Variants in HSP90AB1 observed in about 807,000 individuals in gnomAD.
HSP90AB1 encodes heat shock protein 90 alpha family class B member 1.
A neutral mutation model predicts 67.8 loss-of-function variants in HSP90AB1; 17 were observed. The ratio of observed to expected loss-of-function variants is 0.25; its 90% CI spans 0.17 to 0.38. The LOEUF (loss-of-function observed/expected upper bound fraction) is 0.38. Ranked by LOEUF, HSP90AB1 falls within the 10% of genes least tolerant of loss-of-function variation. HSP90AB1 has a pLI of 1.00. For missense variants in HSP90AB1, 690 were observed against 899.9 expected, an observed-to-expected ratio of 0.77 and a Z score of 2.98; for synonymous variants, 390 against 312.9, an observed-to-expected ratio of 1.25 and a Z score of -2.60.
intron 1 of HSP90AB1, 117 bp from the exon 2 acceptor site, chr6:44,248,513 C>G: frequency 1.2e-6 from 1 of 859,726 alleles, no homozygotes; most frequent in African/African-American, 1.7e-5. Context: ...AGGGATAGTA[C>G]TCCGGTTAAA....
In HSP90AB1 at chr6:44,248,666, G is replaced by A. The variant is rs761667391; in HGVS notation, c.37G>A (p.Glu13Lys). ...AGTGCACCATGGAGAGGAGGAGGTG[G>A]AGACTTTTGCCTTTCAGGCAGAAAT... ...EEVHHGEEEV[E>K]TFAFQAEIAQ... Residue 13 changes from glutamate to lysine, a missense_variant, in exon 2 of 12, where the codon GAG becomes AAG. By Grantham distance (56) the Glu-to-Lys change is moderately conservative (BLOSUM62 1). Around this residue, in one of 7 missense-constraint regions of HSP90AB1, gnomAD observed 25 missense variants for 18.0 expected, o/e 1.39. Transcript: ENST00000371646. 3.2e-5 allele frequency: 52 copies of A among 1,613,872 alleles called. No individual in the cohort carries two copies. Among genetic ancestry groups the A allele is most frequent in the Non-Finnish European group, 1.4e-5 (17 of 1,179,926 alleles).
chr6:44,251,729 C>T lies in HSP90AB1; in HGVS notation c.1315-8C>T, dbSNP rs1780664858. 2 of 1,611,760 alleles carry T rather than the reference C, an allele frequency of 1.2e-6. No individual in the cohort carries two copies. Among genetic ancestry groups the T allele is most frequent in the African/African-American group, 1.3e-5 (1 of 74,852 alleles). On this transcript the variant is annotated splice_polypyrimidine_tract_variant and splice_region_variant and intron_variant, in intron 8 of 11. Coordinates refer to ENST00000371646, the MANE Select transcript of HSP90AB1 (RefSeq NM_007355.4). ...GCTGGATTGTTTTTCCTCTTCCCACCCTTCAAGCTTGGAATCCACGAAGAC... is the reference window on the plus strand; with the variant it reads ...GCTGGATTGTTTTTCCTCTTCCCACTCTTCAAGCTTGGAATCCACGAAGAC...
chr6:44,253,547 C>A lies in HSP90AB1; in HGVS notation c.2124C>A (p.Ile708=), dbSNP rs763136674. ...CCAATGCTGCAGTTCCTGATGAGAT[C>A]CCCCCTCTCGAGGGCGATGAGGATG... ...EEPNAAVPDE[I]PPLEGDEDAS... Residue 708 remains isoleucine, a synonymous_variant, in exon 12 of 12, where the codon ATC becomes ATA. Transcript: ENST00000371646. The A allele has an allele frequency of 6.2e-7, 1 of 1,613,882 alleles. No individual in the cohort carries two copies. The highest frequency in any genetic ancestry group is 8.5e-7 in the Non-Finnish European group (1 of 1,179,780).
At position 44,249,477 on chromosome 6, in the gene HSP90AB1, C is replaced by G. The variant is rs1471689774; in HGVS notation, c.248C>G (p.Thr83Ser). The change falls in exon 3 of 12, where the codon ACC becomes AGC. Residue 83 changes from threonine to serine, a missense_variant. By Grantham distance (58) the Thr-to-Ser change is moderately conservative. Transcript: ENST00000371646. ...ATCATCCCCAACCCTCAGGAACGTACCCTGACTTTGGTAGACACAGGCATT... is the reference window on the plus strand; with the variant it reads ...ATCATCCCCAACCCTCAGGAACGTAGCCTGACTTTGGTAGACACAGGCATT... Reference protein sequence around the residue: ...IDIIPNPQERTLTLVDTGIGM... With the variant: ...IDIIPNPQERSLTLVDTGIGM... The G allele has an allele frequency of 6.2e-7, 1 of 1,613,802 alleles. No individual in the cohort carries two copies. The highest frequency in any genetic ancestry group is 1.3e-5 in the African/African-American group (1 of 74,926).
At position 44,248,609 on chromosome 6, in the gene HSP90AB1, TTAA is replaced by T. The variant is rs1335667971; in HGVS notation, c.1-19_1-17del. 3.8e-6 allele frequency: 6 copies of T among 1,596,958 alleles called. No individual in the cohort carries two copies. The highest frequency in any genetic ancestry group is 2.7e-5 in the African/African-American group (2 of 73,514). On this transcript the variant is annotated intron_variant, in intron 1 of 11. Coordinates refer to ENST00000371646, the MANE Select transcript of HSP90AB1 (RefSeq NM_007355.4). ...ATGGGGCCTTAGTGTTCTTTTGTAATTAATGAGATTTTTATTTTAGATGCCTGA... is the reference window on the plus strand; with the variant it reads ...ATGGGGCCTTAGTGTTCTTTTGTAATTGAGATTTTTATTTTAGATGCCTGA...
Position 44,253,070 on chromosome 6 carries a change from C to T in HSP90AB1, c.1757C>T (p.Ser586Phe). Reference sequence around the variant, plus strand: ...GTGACAATCTCCAATAGACTTGTGTCTTCACCTTGCTGCATTGTGACCAGC... The same window carrying T: ...GTGACAATCTCCAATAGACTTGTGTTTTCACCTTGCTGCATTGTGACCAGC... ...EKVTISNRLV[S>F]SPCCIVTSTY... The change falls in exon 11 of 12, where the codon TCT becomes TTT. Residue 586 changes from serine to phenylalanine, a missense_variant. Ser to Phe is a radical substitution (Grantham distance 155). Transcript: ENST00000371646. The T allele has an allele frequency of 1.2e-6, 2 of 1,613,984 alleles. No individual in the cohort carries two copies. The highest frequency in any genetic ancestry group is 1.7e-6 in the Non-Finnish European group (2 of 1,179,868).
intron 4 of HSP90AB1, 51 bp from the exon 5 acceptor site, chr6:44,249,970 C>T (rs371618810): frequency 3.7e-6 from 6 of 1,607,966 alleles, no homozygotes; most frequent in African/African-American, 1.3e-5. Flanking sequence ...TTGCTGGTCT[C>T]AACTGCATAT....
intron 10 of HSP90AB1, 148 bp from the exon 11 acceptor site, chr6:44,252,897 G>T: frequency 5.1e-6 from 3 of 584,842 alleles, no homozygotes; most frequent in Non-Finnish European, 9.0e-6. Context: ...TTAATTTTTT[G>T]TAGACAGGGT....
rs1780583803 is a variant in HSP90AB1, at chr6:44,251,037, G to C, written c.958-11G>C. The C allele has an allele frequency of 1.2e-6, 2 of 1,612,804 alleles. 1 individual carries two copies. On this transcript the variant is annotated splice_polypyrimidine_tract_variant and intron_variant, in intron 6 of 11. Coordinates refer to ENST00000371646, the MANE Select transcript of HSP90AB1 (RefSeq NM_007355.4). ...TTTTGAAATGTACCACTTATTTTTG[G>C]TTTCTTTCAGCACTTTTCTGTAGAA...
In HSP90AB1 at chr6:44,250,286, C is replaced by T; in HGVS notation, c.649-5C>T. The T allele has an allele frequency of 6.2e-7, 1 of 1,612,088 alleles. No individual in the cohort carries two copies. The highest frequency in any genetic ancestry group is 8.5e-7 in the Non-Finnish European group (1 of 1,179,104). Reference sequence around the variant, plus strand: ...CCAAGGCTAACTTCTGTTTTTGTTACTTAGTTGGAGAAGGAACGAGAGAAG... The same window carrying T: ...CCAAGGCTAACTTCTGTTTTTGTTATTTAGTTGGAGAAGGAACGAGAGAAG... On this transcript the variant is annotated splice_region_variant and splice_polypyrimidine_tract_variant and intron_variant, in intron 5 of 11. Coordinates refer to ENST00000371646, the MANE Select transcript of HSP90AB1 (RefSeq NM_007355.4).
At chr6:44,248,525 C>G (rs1780250158) in intron 1 of HSP90AB1, 105 bp from the exon 2 acceptor site, 2 of 1,012,468 alleles carry the variant, frequency 2.0e-6, no homozygotes, top group Admixed American at 2.5e-5. Context: ...CCGGTTAAAC[C>G]AGTCTGAACT....
chr6:44,251,224 C>G lies in HSP90AB1; in HGVS notation c.1123+11C>G, dbSNP rs767451923. On this transcript the variant is annotated intron_variant, in intron 7 of 11. Transcript: ENST00000371646. ...TACCAGAGTATCTCAGTGAGTATCT[C>G]CTTGGCCTAATTTAGTTGGGTGAAG... 2 of 1,613,570 alleles carry G rather than the reference C, an allele frequency of 1.2e-6. No individual in the cohort carries two copies. Among genetic ancestry groups the G allele is most frequent in the Admixed American group, 3.3e-5 (2 of 60,002 alleles).
chr6:44,250,400 T>C lies in HSP90AB1; in HGVS notation c.758T>C (p.Val253Ala). Residue 253 changes from valine to alanine, a missense_variant, in exon 6 of 12, where the codon GTG (valine) becomes GCG (alanine). Val to Ala is a moderately conservative substitution (Grantham distance 64). Transcript: ENST00000371646. ...DDEEKPKIED[V>A]GSDEEDDSGK... ...GAAGAAAAACCCAAGATCGAAGATG[T>C]GGGTTCAGATGAGGAGGATGACAGC... 1 of 1,613,638 alleles carries C rather than the reference T, an allele frequency of 6.2e-7. No homozygotes were observed.
chr6:44,252,086 T>G lies in HSP90AB1; in HGVS notation c.1550T>G (p.Ile517Ser). The change falls in exon 10 of 12, where the codon ATT becomes AGT. Residue 517 changes from isoleucine (I) to serine (S), a missense_variant. Transcript: ENST00000371646. ...GAGGTGGTATATATGACCGAGCCCA[T>G]TGACGAGTACTGTGTGCAGCAGCTC... Reference protein sequence around the residue: ...GFEVVYMTEPIDEYCVQQLKE... With the variant: ...GFEVVYMTEPSDEYCVQQLKE... 6.2e-7 allele frequency: 1 copy of G among 1,614,154 alleles called. No individual in the cohort carries two copies. Among genetic ancestry groups the G allele is most frequent in the Non-Finnish European group, 8.5e-7 (1 of 1,180,014 alleles).
At position 44,250,448 on chromosome 6, in the gene HSP90AB1, C is replaced by T. The variant is rs375847725; in HGVS notation, c.806C>T (p.Thr269Ile). ...AGCGGTAAGGATAAGAAGAAGAAAA[C>T]TAAGAAGATCAAAGAGAAATACATT... ...DDSGKDKKKKTKKIKEKYIDQ... is the reference protein window; with the variant it reads ...DDSGKDKKKKIKKIKEKYIDQ... Residue 269 changes from threonine (T) to isoleucine (I), a missense_variant, in exon 6 of 12, where the codon ACT (threonine) becomes ATT (isoleucine). Coordinates refer to ENST00000371646, the MANE Select transcript of HSP90AB1 (RefSeq NM_007355.4). The T allele has an allele frequency of 1.9e-6, 3 of 1,613,906 alleles. No homozygotes were observed. Among genetic ancestry groups the T allele is most frequent in the Admixed American group, 1.7e-5 (1 of 60,004 alleles).
chr6:44,253,457 G>T, intron 11 of HSP90AB1, 32 bp from the exon 12 acceptor site: 1 of 1,607,894 alleles, frequency 6.2e-7, no homozygotes, highest in East Asian at 2.2e-5. Flanking sequence ...ATGCTATTTG[G>T]TCAAGTCTCA....
chr6:44,248,854 C>A, intron 2 of HSP90AB1, 78 bp downstream of exon 2: 2 of 1,362,876 alleles, frequency 1.5e-6, no homozygotes, highest in South Asian at 1.3e-5. Context: ...GTGGTTTGGC[C>A]TTTGTTGGGG....
intron 6 of HSP90AB1, 144 bp from the exon 7 acceptor site, chr6:44,250,904 G>A (rs1328824084): frequency 1.1e-5 from 8 of 738,502 alleles, no homozygotes; most frequent in Admixed American, 2.3e-5. Flanking sequence ...AGGGCATTAA[G>A]GCTCAGTTTT....
At chr6:44,252,313 T>C (rs1301784070) in intron 10 of HSP90AB1, 46 bp downstream of exon 10, 1 of 1,563,404 alleles carries the variant, frequency 6.4e-7, no homozygotes, top group Non-Finnish European at 8.7e-7. Context: ...ATCTTCGAGG[T>C]GGGCTCCCTC....
Sources: gnomAD v4.1 joint callset for allele counts on GRCh38, gnomAD v4.1.1 for gene constraint, gnomAD v4.1.1 regional missense constraint, MANE v1.5 for transcripts, NCBI Gene and HGNC (gene_info 2026-07-23, HGNC 2026-07-21) for gene names.